GUCY1B1: variants seen among roughly 807,000 people sequenced by gnomAD.
GUCY1B1 encodes the protein guanylate cyclase soluble subunit beta-1.
Under a neutral mutation model 71.0 loss-of-function variants are expected in GUCY1B1, and 43 were observed. The observed-to-expected ratio is 0.61, with a 90% confidence interval of 0.47 to 0.78. The LOEUF (loss-of-function observed/expected upper bound fraction) is 0.78. Among genes scored for constraint, GUCY1B1 ranks in the 30% least tolerant of loss-of-function variants. The pLI, the probability that GUCY1B1 is intolerant of heterozygous loss-of-function variation, is 0.00. For missense variants in GUCY1B1, 535 were observed against 754.1 expected, an observed-to-expected ratio of 0.71 and a Z score of 3.40; for synonymous variants, 266 against 259.7, an observed-to-expected ratio of 1.02 and a Z score of -0.23.
At chr4:155,778,329 C>G (rs1738195030) in intron 4 of GUCY1B1, among the ~76,000 whole-genome samples, 1 of 152,128 alleles carries the variant, frequency 6.6e-6, no homozygotes. Context: ...TCTGGATTGA[C>G]TATACTATTT....
intron 2 of GUCY1B1, among the ~76,000 whole-genome samples, chr4:155,763,293 G>T (rs1028106489): frequency 6.6e-6 from 1 of 152,026 alleles, no homozygotes; most frequent in Non-Finnish European, 1.5e-5. Flanking sequence ...TGATCCTCTT[G>T]ACTCGGCCTC....
intron 4 of GUCY1B1, among the ~76,000 whole-genome samples, chr4:155,784,396 A>T (rs1171730852): frequency 6.6e-6 from 1 of 152,128 alleles, no homozygotes; most frequent in East Asian, 1.9e-4. Context: ...TTGATGTTCC[A>T]TTTTACTTAG....
Position 155,777,788 on chromosome 4 carries a change from A to G in GUCY1B1, c.297+146A>G. On this transcript the variant is annotated intron_variant, in intron 4 of 13. Transcript: ENST00000264424. ...GTCACCTTTTTCTAATTCACATAAA[A>G]TCATCGTTATTGGAGCGTCTCGAAT... 4 of 542,576 alleles carry G rather than the reference A, an allele frequency of 7.4e-6. No homozygotes were observed. In the South Asian group the frequency reaches 1.1e-4, roughly 16 times the overall value. 33.6% of individuals were successfully genotyped at this position (542,576 alleles called of 1,614,324 possible).
intron 4 of GUCY1B1, among the ~76,000 whole-genome samples, chr4:155,787,595 A>G (rs372358201): frequency 6.6e-6 from 1 of 152,176 alleles, no homozygotes; most frequent in South Asian, 2.1e-4. Context: ...TGTGATATAA[A>G]CCATGAGCTG....
chr4:155,789,804 G>C lies in GUCY1B1; in HGVS notation c.388G>C (p.Gly130Arg). 1 of 1,604,120 alleles carries C rather than the reference G, an allele frequency of 6.2e-7. No homozygotes were observed. The highest frequency in any genetic ancestry group is 8.5e-7 in the Non-Finnish European group (1 of 1,170,992). The change falls in exon 5 of 14, where the codon GGA becomes CGA. Residue 130 changes from glycine (G) to arginine (R), a missense_variant. Physicochemically the swap from Gly to Arg is moderately radical, Grantham distance 125 (BLOSUM62 -2). Transcript: ENST00000264424. ...FRCTDAEKGK[G>R]LILHYYSERE... ...GTGCACTGATGCAGAAAAGGGCAAA[G>C]GACTCATTTTGCACTACTACTCAGA...
chr4:155,772,684 T>C (rs1737776672), intron 2 of GUCY1B1: 1 of 702,342 alleles, frequency 1.4e-6, no homozygotes. Flanking sequence ...CTTCCCAAAG[T>C]GCTGGGATAA....
chr4:155,788,614 G>A, intron 4 of GUCY1B1, among the ~76,000 whole-genome samples: 1 of 152,164 alleles, frequency 6.6e-6, no homozygotes, highest in East Asian at 1.9e-4. Context: ...TAAGGCAAGG[G>A]AATCTTTCAG....
chr4:155,787,329 G>T lies in GUCY1B1; in HGVS notation c.298-2385G>T, dbSNP rs1039912011. Among the ~76,000 whole-genome samples the T allele has an allele frequency of 2.0e-5, 3 of 152,162 alleles. No individual in the cohort carries two copies. The East Asian group carries it at 5.8e-4, about 29-fold the overall frequency. Reference sequence around the variant, plus strand: ...CCTCTAGAGGCAATCCGGATGAACTGATGTTTTTGCTAAGAATTAGCTTGA... The same window carrying T: ...CCTCTAGAGGCAATCCGGATGAACTTATGTTTTTGCTAAGAATTAGCTTGA... On this transcript the variant is annotated intron_variant, in intron 4 of 13. Coordinates refer to ENST00000264424, the MANE Select transcript of GUCY1B1 (RefSeq NM_000857.5).
At chr4:155,791,184 C>G (rs58196867) in intron 5 of GUCY1B1, among the ~76,000 whole-genome samples, 7,248 of 150,812 alleles carry the variant, frequency 0.048, 578 homozygotes, top group African/African-American at 0.17. Context: ...GCGCGATCTC[C>G]GCTCACTGCA....
chr4:155,776,960 T>A (rs1027334601), intron 3 of GUCY1B1, among the ~76,000 whole-genome samples: 1 of 152,128 alleles, frequency 6.6e-6, no homozygotes, highest in Admixed American at 6.5e-5. Flanking sequence ...AGACCAGAAG[T>A]GTTTAGGCTT....
At chr4:155,767,577 T>C (rs3796563) in intron 2 of GUCY1B1, among the ~76,000 whole-genome samples, 101,221 of 151,820 alleles carry the variant, frequency 0.67, 35,416 homozygotes, top group African/African-American at 0.89. Context: ...CTCAGGAGAG[T>C]ATTTATTGTT....
chr4:155,783,940 A>G (rs1018378124), intron 4 of GUCY1B1, among the ~76,000 whole-genome samples: 1 of 152,154 alleles, frequency 6.6e-6, no homozygotes, highest in African/African-American at 2.4e-5. Context: ...GGAAGATAAG[A>G]AGTATTCCAG....
intron 12 of GUCY1B1, 41 bp downstream of exon 12, chr4:155,804,788 A>G (rs776807928): frequency 6.5e-7 from 1 of 1,548,696 alleles, no homozygotes; most frequent in Non-Finnish European, 8.8e-7. Context: ...TTGCAAAGAA[A>G]ATGTGTCTTT....
intron 2 of GUCY1B1, among the ~76,000 whole-genome samples, chr4:155,766,113 T>A (rs1561000778): frequency 6.6e-6 from 1 of 152,168 alleles, no homozygotes. Flanking sequence ...GTAATAAAAA[T>A]ATGGATGTTT....
At chr4:155,775,246 T>C (rs1316059089) in intron 3 of GUCY1B1, among the ~76,000 whole-genome samples, 178 bp downstream of exon 3, 1 of 152,208 alleles carries the variant, frequency 6.6e-6, no homozygotes, top group Non-Finnish European at 1.5e-5. Flanking sequence ...AAGTCTTATT[T>C]TTCCTTTTGC....
intron 2 of GUCY1B1, among the ~76,000 whole-genome samples, chr4:155,769,392 C>T (rs1357681835): frequency 6.6e-6 from 1 of 152,074 alleles, no homozygotes; most frequent in Admixed American, 6.6e-5. Context: ...TAAACTTGAA[C>T]CTCTCTAAAT....
chr4:155,770,850 CT>C (rs2067193438), intron 2 of GUCY1B1, among the ~76,000 whole-genome samples: 2 of 152,312 alleles, frequency 1.3e-5, no homozygotes, highest in African/African-American at 4.8e-5. Flanking sequence ...GCCCCTTCCT[CT>C]TGCATTTCCA....
At chr4:155,759,544 G>A in intron 1 of GUCY1B1, 1 of 536,034 alleles carries the variant, frequency 1.9e-6, no homozygotes. Context: ...GGTGACAGGT[G>A]AGGAGGGTGG....
At chr4:155,762,625 C>G (rs1156552023) in intron 2 of GUCY1B1, among the ~76,000 whole-genome samples, 1 of 152,152 alleles carries the variant, frequency 6.6e-6, no homozygotes, top group Non-Finnish European at 1.5e-5. Context: ...ATAACCATTT[C>G]ACAAAAGCTT....
Sources: gnomAD v4.1 joint callset for allele counts (sites outside exome capture counted in the v4.1 genomes callset) on GRCh38, gnomAD v4.1.1 for gene constraint, MANE v1.5 for transcripts, NCBI Gene and HGNC (gene_info 2026-07-23, HGNC 2026-07-21) for gene names.